Variants in HUNK observed in about 807,000 individuals in gnomAD.
HUNK encodes the protein hormonally up-regulated Neu-associated kinase.
HUNK carries 21 observed loss-of-function variants against 61.0 expected under a neutral mutation model. The observed-to-expected ratio is 0.34, with a 90% CI of 0.24 to 0.50. HUNK has a LOEUF of 0.50. Among genes scored for constraint, HUNK ranks in the 20% least tolerant of loss-of-function variants. The probability of loss-of-function intolerance (pLI) is 0.98; values close to 1 mark genes in which losing one functional copy is unlikely to be tolerated. For missense variants in HUNK, 772 were observed against 945.7 expected (o/e 0.82, Z 2.41); for synonymous variants, 371 against 386.1 (o/e 0.96, Z 0.46).
intron 1 of HUNK, among the ~76,000 whole-genome samples, chr21:31,914,679 C>T (rs1427648040): frequency 2.6e-5 from 4 of 152,140 alleles, no homozygotes; most frequent in Non-Finnish European, 5.9e-5. Context: ...AGGCTCTCCC[C>T]TTGGCTTCTA....
At chr21:31,945,509 G>T (rs1342569754) in intron 3 of HUNK, among the ~76,000 whole-genome samples, 1 of 152,140 alleles carries the variant, frequency 6.6e-6, no homozygotes, top group Non-Finnish European at 1.5e-5. Context: ...AACTTAGGGG[G>T]AATTTTTAAA....
At chr21:31,907,941 G>A (rs1348335492) in intron 1 of HUNK, among the ~76,000 whole-genome samples, 1 of 152,116 alleles carries the variant, frequency 6.6e-6, no homozygotes, top group East Asian at 1.9e-4. Context: ...AGTGAGCTGA[G>A]ATCGCGCCAC....
chr21:31,887,034 C>A (rs944776076), intron 1 of HUNK, among the ~76,000 whole-genome samples: 11 of 152,214 alleles, frequency 7.2e-5, no homozygotes, highest in African/African-American at 2.7e-4. Context: ...GGCTCTGGTT[C>A]TGCAAGCGCT....
intron 10 of HUNK, among the ~76,000 whole-genome samples, chr21:31,998,167 C>T (rs2053219126): frequency 6.6e-6 from 1 of 152,214 alleles, no homozygotes; most frequent in Admixed American, 6.5e-5. Context: ...AGTCCTCCCA[C>T]CTTGGCCTCC....
intron 2 of HUNK, among the ~76,000 whole-genome samples, chr21:31,936,776 A>G (rs2052735729): frequency 6.6e-6 from 1 of 151,458 alleles, no homozygotes; most frequent in Admixed American, 6.6e-5. Flanking sequence ...TTTCGTTTAT[A>G]TCATTCTTCT....
At chr21:31,906,444 A>G (rs2052506021) in intron 1 of HUNK, among the ~76,000 whole-genome samples, 2 of 151,858 alleles carry the variant, frequency 1.3e-5, no homozygotes, top group South Asian at 4.2e-4. Flanking sequence ...TGTTTGTTTA[A>G]TTGTTTTTGA....
Position 32,000,171 on chromosome 21 carries a change from G to C in HUNK, c.*987G>C. 2.5e-6 allele frequency: 1 copy of C among 398,992 alleles called. No individual in the cohort carries two copies. The highest frequency in any genetic ancestry group is 4.4e-5 in the Admixed American group (1 of 22,734). The allele number at this position is 398,992 out of a possible 1,614,324, so 24.7% of individuals were successfully genotyped here. On this transcript the variant is annotated 3_prime_UTR_variant, in exon 11 of 11. Transcript: ENST00000270112. ...GAAAAGATGATTGTGACAATTCAGA[G>C]CATAACTCAGATGGCGAGAAGGCAG... is the stretch of plus-strand genomic sequence containing the variant.
intron 2 of HUNK, among the ~76,000 whole-genome samples, chr21:31,934,442 C>CAAAAAAA (rs35817125): frequency 1.9e-4 from 17 of 88,790 alleles, no homozygotes; most frequent in South Asian, 7.6e-4. Context: ...GACTCTGCCT[C>CAAAAAAA]AAAAAAAAAA....
chr21:31,980,371 GTCT>G (rs71320221), intron 7 of HUNK, among the ~76,000 whole-genome samples: 29,619 of 136,794 alleles, frequency 0.22, 3,160 homozygotes, highest in Non-Finnish European at 0.25. Context: ...CACCAGGCCT[GTCT>G]TCTTCTTTTT....
intron 10 of HUNK, among the ~76,000 whole-genome samples, chr21:31,996,179 A>G (rs1174977169): frequency 6.6e-6 from 1 of 152,266 alleles, no homozygotes; most frequent in Non-Finnish European, 1.5e-5. Flanking sequence ...GGTGCAAAGT[A>G]TTACGGAAAC....
intron 1 of HUNK, among the ~76,000 whole-genome samples, chr21:31,903,675 C>G (rs1444041152): frequency 1.3e-5 from 2 of 152,276 alleles, no homozygotes; most frequent in East Asian, 3.9e-4. Flanking sequence ...GTCCCCAAAC[C>G]TCTATTAAAT....
intron 2 of HUNK, among the ~76,000 whole-genome samples, chr21:31,937,134 G>A (rs1484869847): frequency 3.9e-5 from 6 of 152,174 alleles, no homozygotes; most frequent in Non-Finnish European, 8.8e-5. Flanking sequence ...ATAGAAGTCA[G>A]GCTGATATTA....
At chr21:31,989,588 C>T (rs1161858691) in intron 8 of HUNK, among the ~76,000 whole-genome samples, 2 of 152,098 alleles carry the variant, frequency 1.3e-5, no homozygotes, top group East Asian at 3.9e-4. Flanking sequence ...GTGGTGCACG[C>T]CTGTAATCCC....
Position 31,924,407 on chromosome 21 carries a change from G to A in HUNK, c.262-61G>A. On this transcript the variant is annotated intron_variant, in intron 1 of 10. Coordinates refer to ENST00000270112, the MANE Select transcript of HUNK (RefSeq NM_014586.2). The surrounding 1 kb of genome is among the most constrained non-coding windows in gnomAD (Gnocchi z 5.1). Reference sequence around the variant, plus strand: ...CATTTTTCTTGGGTTCCTGTGAGTAGCCAAGGCATCGCTATTGTCTGTAAT... The same window carrying A: ...CATTTTTCTTGGGTTCCTGTGAGTAACCAAGGCATCGCTATTGTCTGTAAT... 6.6e-7 allele frequency: 1 copy of A among 1,505,888 alleles called. No homozygotes were observed. Among genetic ancestry groups the A allele is most frequent in the Admixed American group, 2.0e-5 (1 of 51,130 alleles). 93.3% of individuals were successfully genotyped at this position (1,505,888 alleles called of 1,614,324 possible).
chr21:31,991,517 C>T (rs2053172127), intron 9 of HUNK, among the ~76,000 whole-genome samples: 1 of 152,224 alleles, frequency 6.6e-6, no homozygotes, highest in African/African-American at 2.4e-5. Flanking sequence ...CTGCGCCCGG[C>T]CCAAAGCCCT....
chr21:31,983,898 G>A (rs1374081195), intron 8 of HUNK, among the ~76,000 whole-genome samples: 5 of 152,146 alleles, frequency 3.3e-5, no homozygotes, highest in African/African-American at 9.7e-5. Flanking sequence ...GGTGAGACTC[G>A]GGTATCAGGA....
chr21:31,953,309 A>G (rs1168576960), intron 4 of HUNK, among the ~76,000 whole-genome samples: 1 of 146,984 alleles, frequency 6.8e-6, no homozygotes, highest in Non-Finnish European at 1.5e-5. Context: ...ATCTCTGCTT[A>G]CCACAACCTC....
Position 32,000,245 on chromosome 21 carries a change from G to GA in HUNK, c.*1061_*1062insA. On this transcript the variant is annotated 3_prime_UTR_variant, in exon 11 of 11. Transcript: ENST00000270112. ...TTCAAGCTGCCCACAGAACTGGTGC[G>GA]GCTCAGAGCTCGGCGAGTTTGCTGG... The GA allele has an allele frequency of 2.5e-6, 1 of 399,120 alleles. No homozygotes were observed. The highest frequency in any genetic ancestry group is 4.4e-6 in the Non-Finnish European group (1 of 226,102). 24.7% of individuals were successfully genotyped at this position (399,120 alleles called of 1,614,324 possible).
rs759335599 is a variant in HUNK at position 31,873,906 on chromosome 21, G to A, written c.232G>A (p.Glu78Lys). Residue 78 changes from glutamate to lysine, a missense_variant, in exon 1 of 11, where the codon GAG (glutamate) becomes AAG (lysine). By Grantham distance (56) the Glu-to-Lys change is moderately conservative. Around this residue, in one of 2 missense-constraint regions of HUNK, gnomAD observed 359 missense variants for 501.3 expected, o/e 0.72. Transcript: ENST00000270112. The surrounding 1 kb of genome is among the most constrained non-coding windows in gnomAD (Gnocchi z 6.1). Reference sequence around the variant, plus strand: ...CGAGGGCTCCTTTGCCAAGGTGCGCGAGGGGCTGCACGTGCTGACCGGGGA... The same window carrying A: ...CGAGGGCTCCTTTGCCAAGGTGCGCAAGGGGCTGCACGTGCTGACCGGGGA... ...LGEGSFAKVR[E>K]GLHVLTGEKV... is the part of the protein sequence containing the mutation. 1 of 1,574,220 alleles carries A rather than the reference G, an allele frequency of 6.4e-7. No homozygotes were observed. The highest frequency in any genetic ancestry group is 1.2e-5 in the South Asian group (1 of 85,744).
Sources: allele counts gnomAD v4.1 joint callset (sites outside exome capture counted in the v4.1 genomes callset), GRCh38; gene constraint gnomAD v4.1.1; regional missense constraint gnomAD v4.1.1; non-coding constraint Gnocchi (gnomAD v3.1); transcripts MANE v1.5; gene names NCBI Gene and HGNC (gene_info 2026-07-23, HGNC 2026-07-21).